The following SF1 variants were observed in gnomAD, a reference collection of about 807,000 sequenced individuals.
SF1 encodes the protein splicing factor 1.
In SF1, 7 loss-of-function variants were observed where a neutral mutation model predicts 62.5. The ratio of observed to expected loss-of-function variants is 0.11; its 90% confidence interval spans 0.06 to 0.21. The LOEUF is 0.21. Among genes scored for constraint, SF1 ranks in the 10% least tolerant of loss-of-function variants. The pLI, the probability that SF1 is intolerant of heterozygous loss-of-function variation, is 1.00. For missense variants in SF1, 578 were observed against 884.0 expected (o/e 0.65, Z 4.39); for synonymous variants, 394 against 323.6 (o/e 1.22, Z -2.33).
In SF1 at chr11:64,767,078, A is replaced by G; in HGVS notation, c.1404T>C (p.Gly468=). The change falls in exon 12 of 13, where the codon GGT becomes GGC. Residue 468 remains glycine (G), a splice_region_variant and synonymous_variant. Coordinates refer to ENST00000377390, the MANE Select transcript of SF1 (RefSeq NM_004630.4). ...SGVYRLHQGK[G]MMPPPPMGMM... Reference sequence around the variant, plus strand: ...TGCCCATAGGTGGTGGCGGCATCATACCTGTGGACAGGTGGAGGCAAAGAT... The same window carrying G: ...TGCCCATAGGTGGTGGCGGCATCATGCCTGTGGACAGGTGGAGGCAAAGAT... The G allele has an allele frequency of 6.3e-7, 1 of 1,595,026 alleles. No individual in the cohort carries two copies. Among genetic ancestry groups the G allele is most frequent in the South Asian group, 1.1e-5 (1 of 89,036 alleles).
At chr11:64,771,517 G>A (rs891103434) in intron 3 of SF1, 5 of 985,278 alleles carry the variant, frequency 5.1e-6, no homozygotes, top group Non-Finnish European at 6.0e-6. Context: ...ACTGAACTCG[G>A]CTGCTCCCAC....
rs368962928 is a variant in SF1 at position 64,767,640 on chromosome 11, T to G, written c.1273A>C (p.Met425Leu). The G allele has an allele frequency of 4.4e-6, 7 of 1,595,022 alleles. No homozygotes were observed. Among genetic ancestry groups the G allele is most frequent in the Non-Finnish European group, 6.0e-6 (7 of 1,170,846 alleles). Reference protein sequence around the residue: ...HNPNGPPPPWMQPPPPPMNQG... With the variant: ...HNPNGPPPPWLQPPPPPMNQG... The stretch of plus-strand genomic sequence containing the variant: ...TTCATCGGTGGTGGTGGTGGCTGCA[T>G]CCAAGGGGGTGGGGGTCCATTGGGG... The change falls in exon 10 of 13, where the codon ATG becomes CTG. Residue 425 changes from methionine to leucine, a missense_variant. Coordinates refer to ENST00000377390, the MANE Select transcript of SF1 (RefSeq NM_004630.4).
chr11:64,767,439 A>G, intron 10 of SF1, 132 bp downstream of exon 10: 1 of 1,126,316 alleles, frequency 8.9e-7, no homozygotes. Context: ...TTCCAGAGCC[A>G]CAACCCTGGC....
At chr11:64,772,608 T>C (rs535742646) in intron 3 of SF1, 2 of 985,248 alleles carry the variant, frequency 2.0e-6, no homozygotes, top group South Asian at 9.4e-5. Flanking sequence ...CTGTATGTAC[T>C]AAGAGAAAAT....
intron 9 of SF1, 110 bp from the exon 10 acceptor site, chr11:64,767,954 TGA>T: frequency 8.1e-6 from 12 of 1,482,192 alleles, no homozygotes; most frequent in Non-Finnish European, 1.0e-5. Flanking sequence ...CTTCCCGAAG[TGA>T]GAAGTCCCCA....
At chr11:64,773,383 A>G in intron 3 of SF1, 47 bp downstream of exon 3, 1 of 1,601,932 alleles carries the variant, frequency 6.2e-7, no homozygotes. Context: ...ACGTATTGAG[A>G]AAAAGGTAAA....
chr11:64,778,217 A>C (rs926374221), intron 1 of SF1, 145 bp downstream of exon 1: 1 of 1,140,206 alleles, frequency 8.8e-7, no homozygotes, highest in Non-Finnish European at 1.1e-6. Flanking sequence ...GGCCGCGGTC[A>C]GGGCCCCCAT....
chr11:64,774,939 G>A (rs1265531050), intron 2 of SF1, among the ~76,000 whole-genome samples: 2 of 147,156 alleles, frequency 1.4e-5, no homozygotes, highest in African/African-American at 2.5e-5. Context: ...CCAGCCTGGC[G>A]ACACAGCAAG....
At chr11:64,773,606 A>G (rs1592504259) in intron 2 of SF1, 101 bp from the exon 3 acceptor site, 2 of 1,351,966 alleles carry the variant, frequency 1.5e-6, no homozygotes, top group Non-Finnish European at 2.0e-6. Flanking sequence ...GAACTCGGAG[A>G]CTTTGAAAGG....
In SF1 at chr11:64,772,300, GT is replaced by G. The variant is rs1200405958; in HGVS notation, c.236+1129del. Reference sequence around the variant, plus strand: ...GCCAAAAAGGCACTAAACAGTTGTGGTCTATGACCTACAATGTAAATTTAAA... The same window carrying G: ...GCCAAAAAGGCACTAAACAGTTGTGGCTATGACCTACAATGTAAATTTAAA... On this transcript the variant is annotated intron_variant, in intron 3 of 12. Coordinates refer to ENST00000377390, the MANE Select transcript of SF1 (RefSeq NM_004630.4). 3.0e-6 allele frequency: 3 copies of G among 984,362 alleles called. No homozygotes were observed. The African/African-American group carries it at 5.2e-5, about 17-fold the overall frequency. 61.0% of individuals were successfully genotyped at this position (984,362 alleles called of 1,614,324 possible).
intron 10 of SF1, 126 bp downstream of exon 10, chr11:64,767,445 C>G: frequency 8.6e-7 from 1 of 1,157,894 alleles, no homozygotes; most frequent in Non-Finnish European, 1.2e-6. Flanking sequence ...AGCCACAACC[C>G]TGGCAAGCCA....
rs758122937 is a variant in SF1, at chr11:64,766,125, G to A, written c.1613C>T (p.Thr538Ile). Reference sequence around the variant, plus strand: ...CTGTTGCCATGGCGGGATGGACCCTGTGCCAGCGCTCGTGGTGGTAGTCGT... The same window carrying A: ...CTGTTGCCATGGCGGGATGGACCCTATGCCAGCGCTCGTGGTGGTAGTCGT... ...NTTTTTTSAG[T>I]GSIPPWQQQQ... is the part of the protein sequence containing the mutation. The change falls in exon 13 of 13, where the codon ACA (threonine) becomes ATA (isoleucine). Residue 538 changes from threonine to isoleucine, a missense_variant. Around this residue, in one of 7 missense-constraint regions of SF1, gnomAD observed 410 missense variants for 452.4 expected, o/e 0.91. Transcript: ENST00000377390. The A allele has an allele frequency of 2.5e-6, 4 of 1,608,922 alleles. No homozygotes were observed. In the Admixed American group the frequency reaches 5.0e-5, roughly 20 times the overall value.
chr11:64,767,221 G>C lies in SF1; in HGVS notation c.1373C>G (p.Ser458Cys). The C allele has an allele frequency of 6.2e-7, 1 of 1,614,130 alleles. No homozygotes were observed. ...DQYLGSTPVGSGVYRLHQGKG... is the reference protein window; with the variant it reads ...DQYLGSTPVGCGVYRLHQGKG... ...TCCTTGATGCAGGCGATAGACCCCA[G>C]AGCCCACAGGCGTACTTCCCAGGTA... is the stretch of plus-strand genomic sequence containing the variant. Residue 458 changes from serine (S) to cysteine (C), a missense_variant, in exon 11 of 13, where the codon TCT (serine) becomes TGT (cysteine). Around this residue, in one of 7 missense-constraint regions of SF1, gnomAD observed 410 missense variants for 452.4 expected, o/e 0.91. Coordinates refer to ENST00000377390, the MANE Select transcript of SF1 (RefSeq NM_004630.4).
chr11:64,777,479 A>G (rs1939493121), intron 1 of SF1: 7 of 984,354 alleles, frequency 7.1e-6, no homozygotes, highest in South Asian at 9.4e-5. Flanking sequence ...AGACCCAACC[A>G]TCATCTGAAG....
Position 64,765,991 on chromosome 11 carries a change from G to GAGGGGCCCCAGGCGGCAGAGGC in SF1, c.1725_1746dup (p.Pro583AlafsTer36). On this transcript the variant is annotated frameshift_variant, in exon 13 of 13. Transcript: ENST00000377390. LOFTEE classifies it high-confidence loss of function. ...CCAGGCGGTGGAGGCGGCGGAGGGGGAGGGGCCCCAGGCGGCAGAGGCGGC... is the reference window on the plus strand; with the variant it reads ...CCAGGCGGTGGAGGCGGCGGAGGGGGAGGGGCCCCAGGCGGCAGAGGCAGGGGCCCCAGGCGGCAGAGGCGGC... 6.2e-7 allele frequency: 1 copy of GAGGGGCCCCAGGCGGCAGAGGC among 1,603,452 alleles called. No individual in the cohort carries two copies. The highest frequency in any genetic ancestry group is 8.5e-7 in the Non-Finnish European group (1 of 1,175,014).
intron 3 of SF1, chr11:64,772,827 T>C: frequency 1.0e-6 from 1 of 984,682 alleles, no homozygotes; most frequent in Non-Finnish European, 1.2e-6. Flanking sequence ...AATTTAGGGT[T>C]GGTTGCATGC....
intron 3 of SF1, chr11:64,772,336 A>C: frequency 1.1e-5 from 11 of 984,576 alleles, no homozygotes; most frequent in Non-Finnish European, 1.3e-5. Context: ...AAAAAAAAAA[A>C]ATCTTCAAAA....
chr11:64,768,413 C>T (rs1049320304), intron 8 of SF1, 127 bp from the exon 9 acceptor site: 4 of 845,452 alleles, frequency 4.7e-6, no homozygotes, highest in Non-Finnish European at 7.5e-6. Context: ...ACACATCTTT[C>T]TAACCCCTTA....
At chr11:64,773,289 T>C in intron 3 of SF1, 141 bp downstream of exon 3, 1 of 1,460,406 alleles carries the variant, frequency 6.8e-7, no homozygotes. Context: ...TATTTCTAAT[T>C]AAACCTTAAT....
Sources: gnomAD v4.1 joint callset for allele counts (sites outside exome capture counted in the v4.1 genomes callset) on GRCh38, gnomAD v4.1.1 for gene constraint, gnomAD v4.1.1 regional missense constraint, MANE v1.5 for transcripts, NCBI Gene and HGNC (gene_info 2026-07-23, HGNC 2026-07-21) for gene names.